Variants in ABAT observed in about 807,000 individuals in gnomAD.
ABAT encodes 4-aminobutyrate aminotransferase, mitochondrial.
Under a neutral mutation model 64.6 loss-of-function variants are expected in ABAT, and 45 were observed. The ratio of observed to expected loss-of-function variants is 0.70; its 90% CI spans 0.55 to 0.89. ABAT has a LOEUF of 0.89. ABAT is among the 40% of genes least tolerant of loss of function. The probability of loss-of-function intolerance (pLI) is 0.00; values close to 1 mark genes in which losing one functional copy is unlikely to be tolerated. For synonymous variants in ABAT, 297 were observed against 250.5 expected, an observed-to-expected ratio of 1.19 and a Z score of -1.75; for missense variants, 633 against 658.4, an observed-to-expected ratio of 0.96 and a Z score of 0.42.
chr16:8,712,620 G>C (rs1333159291), intron 1 of ABAT, among the ~76,000 whole-genome samples: 1 of 152,164 alleles, frequency 6.6e-6, no homozygotes, highest in Non-Finnish European at 1.5e-5. Flanking sequence ...GCTTTGTGGA[G>C]TCCCCTTTGG....
At chr16:8,694,575 A>G (rs1173380736) in intron 1 of ABAT, among the ~76,000 whole-genome samples, 1 of 151,750 alleles carries the variant, frequency 6.6e-6, no homozygotes, top group African/African-American at 2.4e-5. Context: ...ATGGGGTCTC[A>G]CTATATCGCC....
chr16:8,691,562 C>A (rs1001177365), intron 1 of ABAT, among the ~76,000 whole-genome samples: 7 of 152,186 alleles, frequency 4.6e-5, no homozygotes, highest in African/African-American at 1.4e-4. Context: ...GCCTCAGCTT[C>A]CTGAGTAGCT....
In ABAT at chr16:8,719,417, C is replaced by A. The variant is rs756334841; in HGVS notation, c.-41-16282C>A. On this transcript the variant is annotated intron_variant, in intron 1 of 15. Coordinates refer to ENST00000268251, the MANE Select transcript of ABAT (RefSeq NM_020686.6). ...ACAAAGGCTATCTGTGTCTCACATT[C>A]GGAGGCTTGGATGTGAAGCCCTGTC... is the stretch of plus-strand genomic sequence containing the variant. Among the ~76,000 whole-genome samples the A allele has an allele frequency of 4.1e-4, 63 of 152,290 alleles. 1 individual carries two copies. Among genetic ancestry groups the A allele is most frequent in the South Asian group, 1.5e-3 (7 of 4,824 alleles).
chr16:8,724,731 G>GA (rs1567286719), intron 1 of ABAT, among the ~76,000 whole-genome samples: 14 of 73,200 alleles, frequency 1.9e-4, no homozygotes, highest in African/African-American at 6.0e-4. Context: ...CTTGTCTCAG[G>GA]AAAAAAAAAA....
intron 5 of ABAT, among the ~76,000 whole-genome samples, chr16:8,752,204 A>G (rs1455711480): frequency 1.3e-5 from 2 of 152,184 alleles, no homozygotes; most frequent in African/African-American, 4.8e-5. Context: ...CGGATGACTC[A>G]TTCTTTGGGG....
rs890043292 is a variant in ABAT at position 8,735,582 on chromosome 16, C to T, written c.-41-117C>T. On this transcript the variant is annotated intron_variant, in intron 1 of 15. Coordinates refer to ENST00000268251, the MANE Select transcript of ABAT (RefSeq NM_020686.6). The stretch of plus-strand genomic sequence containing the variant: ...GTCCATGTTCAGTATAAAACCCAAG[C>T]ATTTGACAATGTCAGAAGAACTTTC... The T allele has an allele frequency of 4.3e-5, 38 of 890,572 alleles. 1 individual carries two copies. The South Asian group carries it at 5.3e-4, about 12-fold the overall frequency. 55.2% of individuals were successfully genotyped at this position (890,572 alleles called of 1,614,324 possible). A position where few individuals can be genotyped will look rare whatever the true frequency, so the allele number is the denominator to read the frequency against.
At chr16:8,688,893 T>C (rs912628832) in intron 1 of ABAT, among the ~76,000 whole-genome samples, 1 of 152,164 alleles carries the variant, frequency 6.6e-6, no homozygotes, top group African/African-American at 2.4e-5. Context: ...CTGGCCACCA[T>C]AGTGAAATTC....
At chr16:8,770,428 C>T (rs1389556722) in intron 11 of ABAT, among the ~76,000 whole-genome samples, 3 of 150,280 alleles carry the variant, frequency 2.0e-5, no homozygotes, top group Admixed American at 6.7e-5. Flanking sequence ...TGAGCCACCG[C>T]GCCGGCCTTC....
At chr16:8,729,577 C>T (rs1246417200) in intron 1 of ABAT, among the ~76,000 whole-genome samples, 1 of 152,088 alleles carries the variant, frequency 6.6e-6, no homozygotes, top group Non-Finnish European at 1.5e-5. Context: ...CCCAGCACTT[C>T]AGGAGCCAAG....
chr16:8,740,872 T>C (rs1340339695), intron 2 of ABAT, among the ~76,000 whole-genome samples: 1 of 152,252 alleles, frequency 6.6e-6, no homozygotes, highest in Non-Finnish European at 1.5e-5. Flanking sequence ...GGGTGGACAG[T>C]TGCAGGAGCA....
At chr16:8,751,762 C>T (rs2059491873) in intron 5 of ABAT, among the ~76,000 whole-genome samples, 1 of 152,132 alleles carries the variant, frequency 6.6e-6, no homozygotes, top group Non-Finnish European at 1.5e-5. Flanking sequence ...GGTGACCTGC[C>T]CAGTAAAAGT....
chr16:8,720,206 A>C (rs1360224805), intron 1 of ABAT, among the ~76,000 whole-genome samples: 1 of 152,190 alleles, frequency 6.6e-6, no homozygotes, highest in Non-Finnish European at 1.5e-5. Flanking sequence ...AATTGACCCT[A>C]AGCCAGTTGA....
In ABAT at chr16:8,768,970, A is replaced by G. The variant is rs1377838140; in HGVS notation, c.813A>G (p.Glu271=). The change falls in exon 11 of 16, where the codon GAA becomes GAG. Residue 271 remains glutamate (E), a synonymous_variant. Coordinates refer to ENST00000268251, the MANE Select transcript of ABAT (RefSeq NM_020686.6). ...AACAGGAGGAGGCCCGCTGTCTGGAAGAGGTAATGCTCATACCCTGCGGAT... is the reference window on the plus strand; with the variant it reads ...AACAGGAGGAGGCCCGCTGTCTGGAGGAGGTAATGCTCATACCCTGCGGAT... ...ENQQEEARCL[E]EVEDLIVKYR... 5.0e-6 allele frequency: 8 copies of G among 1,614,052 alleles called. No homozygotes were observed. The highest frequency in any genetic ancestry group is 5.9e-6 in the Non-Finnish European group (7 of 1,180,012).
intron 1 of ABAT, among the ~76,000 whole-genome samples, chr16:8,685,660 A>G (rs1456252574): frequency 6.6e-6 from 1 of 152,174 alleles, no homozygotes; most frequent in Non-Finnish European, 1.5e-5. Context: ...TGGGCAACAG[A>G]GCAAAACCCT....
rs35745596 is a variant in ABAT at position 8,764,843 on chromosome 16, G to GCACA, written c.540+32_540+35dup. 41,886 of 1,531,456 alleles carry GCACA rather than the reference G, an allele frequency of 0.027. 158 individuals carry two copies. The highest frequency in any genetic ancestry group is 0.09 in the South Asian group (8,003 of 88,460). 94.9% of individuals were successfully genotyped at this position (1,531,456 alleles called of 1,614,324 possible). On this transcript the variant is annotated intron_variant, in intron 8 of 15. Coordinates refer to ENST00000268251, the MANE Select transcript of ABAT (RefSeq NM_020686.6). This position sits in a 1 kb window ranked among gnomAD's most constrained non-coding sequence, Gnocchi z 4.2. ...CATGTGGTACCGGGTGAGGTTTGGG[G>GCACA]CACACACACACACACACACACAGGC...
At chr16:8,758,392 C>T (rs147542977) in intron 6 of ABAT, among the ~76,000 whole-genome samples, 15 of 152,132 alleles carry the variant, frequency 9.9e-5, no homozygotes, top group African/African-American at 1.4e-4. Context: ...TGGCAGGCCA[C>T]GAGTCGGGAG....
chr16:8,724,627 T>G (rs1352540407), intron 1 of ABAT, among the ~76,000 whole-genome samples: 1 of 150,042 alleles, frequency 6.7e-6, no homozygotes, highest in Admixed American at 6.7e-5. Flanking sequence ...TCCCAGCTAC[T>G]CGGTAGGCTG....
At position 8,736,052 on chromosome 16, in the gene ABAT, C is replaced by T. The variant is rs551566446; in HGVS notation, c.70+243C>T. 1.4e-3 allele frequency: 697 copies of T among 508,486 alleles called. 11 individuals carry two copies. The South Asian group carries it at 0.014, about 10-fold the overall frequency. 31.5% of individuals were successfully genotyped at this position (508,486 alleles called of 1,614,324 possible). ...CATATGGCTGGGGAGGCCTCACAAT[C>T]ATGGCGGAAGGTGAAGGAGGAACAA... On this transcript the variant is annotated intron_variant, in intron 2 of 15. Coordinates refer to ENST00000268251, the MANE Select transcript of ABAT (RefSeq NM_020686.6).
Position 8,731,622 on chromosome 16 carries a change from G to A in ABAT, c.-41-4077G>A, listed in dbSNP as rs561876240. 13 of 151,244 alleles carry A rather than the reference G, an allele frequency of 8.6e-5. No homozygotes were observed. The East Asian group carries it at 2.4e-3, about 27-fold the overall frequency. 9.4% of individuals were successfully genotyped at this position (151,244 alleles called of 1,614,324 possible). A position where few individuals can be genotyped will look rare whatever the true frequency, so the allele number is the denominator to read the frequency against. On this transcript the variant is annotated intron_variant, in intron 1 of 15. Transcript: ENST00000268251. ...AACCTCAACACCAATGTCTTTCCTG[G>A]ATCACTTTTCTTTTTTTTTTTTTAA... is the stretch of plus-strand genomic sequence containing the variant.
Sources: gnomAD v4.1 joint callset for allele counts (sites outside exome capture counted in the v4.1 genomes callset) on GRCh38, gnomAD v4.1.1 for gene constraint, Gnocchi (gnomAD v3.1) non-coding constraint, MANE v1.5 for transcripts, NCBI Gene and HGNC (gene_info 2026-07-23, HGNC 2026-07-21) for gene names.